PDE10A: variants seen among roughly 807,000 people sequenced by gnomAD.
The protein encoded by PDE10A is cAMP and cAMP-inhibited cGMP 3',5'-cyclic phosphodiesterase 10A.
A neutral mutation model predicts 97.7 loss-of-function variants in PDE10A; 39 were observed. The observed-to-expected ratio is 0.40, with a 90% CI of 0.31 to 0.52. The LOEUF is 0.52. Among genes scored for constraint, PDE10A ranks in the 20% least tolerant of loss-of-function variants. The pLI, the probability that PDE10A is intolerant of heterozygous loss-of-function variation, is 0.56. For missense variants in PDE10A, 731 were observed against 1,047.8 expected (o/e 0.70, Z 4.17); for synonymous variants, 371 against 376.8 (o/e 0.98, Z 0.18).
chr6:165,860,854 G>C (rs1583202183), intron 1 of PDE10A, among the ~76,000 whole-genome samples: 1 of 152,306 alleles, frequency 6.6e-6, no homozygotes, highest in East Asian at 1.9e-4. Flanking sequence ...CAGAGGACCT[G>C]AAGGGCTCCC....
intron 1 of PDE10A, among the ~76,000 whole-genome samples, chr6:165,804,791 CG>C (rs1488749405): frequency 6.6e-6 from 1 of 151,070 alleles, no homozygotes. Context: ...GCGACGGCCC[CG>C]GGGCCGGGCC....
At chr6:165,459,803 G>C (rs1260315412) in intron 3 of PDE10A, among the ~76,000 whole-genome samples, 1 of 152,084 alleles carries the variant, frequency 6.6e-6, no homozygotes, top group African/African-American at 2.4e-5. Context: ...ACTGAGAGTG[G>C]ATAAAGGAAA....
chr6:165,367,797 AT>A (rs954317281), intron 18 of PDE10A, among the ~76,000 whole-genome samples: 1 of 114,312 alleles, frequency 8.7e-6, no homozygotes, highest in South Asian at 2.5e-4. Context: ...CCATTCTTAG[AT>A]TAAAAAAAAA....
intron 1 of PDE10A, among the ~76,000 whole-genome samples, chr6:165,883,687 C>T (rs772292925): frequency 7.2e-5 from 11 of 152,072 alleles, no homozygotes; most frequent in Non-Finnish European, 1.3e-4. Context: ...GTGGCAGAGG[C>T]GGGCTTGCTG....
intron 1 of PDE10A, among the ~76,000 whole-genome samples, chr6:165,579,740 G>A (rs761113073): frequency 3.3e-5 from 5 of 152,052 alleles, no homozygotes; most frequent in Non-Finnish European, 7.3e-5. Context: ...CTCACACAGC[G>A]AAGGCCAAAG....
chr6:165,535,477 G>A lies in PDE10A; in HGVS notation c.994+7963C>T, dbSNP rs554994953. On this transcript the variant is annotated intron_variant, in intron 2 of 21. Transcript: ENST00000539869. ...ACTTATAAGTGAGAACATACAATAT[G>A]TGATTTCCATTTCTGAGTTATTTCA... Among the ~76,000 whole-genome samples, 10 of 151,920 alleles carry A rather than the reference G, an allele frequency of 6.6e-5. No individual in the cohort carries two copies. In the South Asian group the frequency reaches 2.1e-3, roughly 32 times the overall value.
chr6:165,416,819 C>T (rs1788349866), intron 11 of PDE10A, among the ~76,000 whole-genome samples: 1 of 152,144 alleles, frequency 6.6e-6, no homozygotes, highest in Admixed American at 6.6e-5. Flanking sequence ...AATTCAAGCA[C>T]TATACAGAAA....
chr6:165,825,106 C>T (rs953850886), intron 1 of PDE10A, among the ~76,000 whole-genome samples: 3 of 147,790 alleles, frequency 2.0e-5, no homozygotes, highest in Non-Finnish European at 4.5e-5. Flanking sequence ...TGAGATCGCA[C>T]CACTGCACTC....
intron 5 of PDE10A, among the ~76,000 whole-genome samples, chr6:165,447,766 C>A (rs1790976637): frequency 6.6e-6 from 1 of 152,106 alleles, no homozygotes; most frequent in South Asian, 2.1e-4. Context: ...AATAAACATT[C>A]TTATCTGACG....
intron 1 of PDE10A, among the ~76,000 whole-genome samples, chr6:165,821,035 G>A (rs903193621): frequency 4.6e-5 from 7 of 152,172 alleles, no homozygotes; most frequent in African/African-American, 1.4e-4. Flanking sequence ...TACATTGCAC[G>A]TTGATAAAGT....
At chr6:165,369,120 A>T (rs1427393670) in intron 18 of PDE10A, among the ~76,000 whole-genome samples, 1 of 152,054 alleles carries the variant, frequency 6.6e-6, no homozygotes, top group Non-Finnish European at 1.5e-5. Context: ...AAAACCACAA[A>T]GATGGGGAAA....
intron 1 of PDE10A, among the ~76,000 whole-genome samples, chr6:165,712,517 C>T (rs575652392): frequency 3.3e-5 from 5 of 152,076 alleles, no homozygotes; most frequent in Non-Finnish European, 7.4e-5. Context: ...GGTTGTGAAA[C>T]ACCAAAGCGG....
intron 1 of PDE10A, among the ~76,000 whole-genome samples, chr6:165,851,218 G>C (rs975036729): frequency 1.3e-5 from 2 of 152,316 alleles, no homozygotes; most frequent in African/African-American, 4.8e-5. Context: ...GAGTTATTCA[G>C]GTTTTGGACA....
chr6:165,418,900 T>C lies in PDE10A; in HGVS notation c.1654-123A>G. 1 of 693,048 alleles carries C rather than the reference T, an allele frequency of 1.4e-6. No homozygotes were observed. The highest frequency in any genetic ancestry group is 2.4e-6 in the Non-Finnish European group (1 of 411,874). The allele number at this position is 693,048 out of a possible 1,614,324, so 42.9% of individuals were successfully genotyped here. On this transcript the variant is annotated intron_variant, in intron 10 of 21. Coordinates refer to ENST00000539869, the MANE Select transcript of PDE10A (RefSeq NM_001385079.1). The surrounding 1 kb of genome is among the most constrained non-coding windows in gnomAD (Gnocchi z 4.8). ...ATACTCTAATTGGTTGGTATTAGCA[T>C]TATAAGTAAATAAATATACAAGTAT...
At chr6:165,611,661 T>C (rs763787156) in intron 1 of PDE10A, among the ~76,000 whole-genome samples, 6 of 152,252 alleles carry the variant, frequency 3.9e-5, no homozygotes, top group Non-Finnish European at 5.9e-5. Flanking sequence ...CTGTAGCCAT[T>C]ACACATTTTC....
At chr6:165,888,154 A>G (rs569076032) in intron 1 of PDE10A, among the ~76,000 whole-genome samples, 57 of 152,146 alleles carry the variant, frequency 3.7e-4, no homozygotes, top group Non-Finnish European at 7.9e-4. Context: ...TTTTTCAAAG[A>G]GGTTACCTTG....
chr6:165,685,605 C>T (rs145626919), intron 1 of PDE10A, among the ~76,000 whole-genome samples: 7 of 152,230 alleles, frequency 4.6e-5, no homozygotes, highest in Admixed American at 4.6e-4. Flanking sequence ...ATGTTCCTGG[C>T]AGCTTCTCCA....
chr6:165,561,063 C>T (rs1784498512), intron 1 of PDE10A, among the ~76,000 whole-genome samples: 2 of 151,754 alleles, frequency 1.3e-5, no homozygotes, highest in South Asian at 4.2e-4. Flanking sequence ...ACTAAAAATA[C>T]AAAAAATTAG....
chr6:165,407,344 T>C (rs1787275355), intron 13 of PDE10A, among the ~76,000 whole-genome samples: 1 of 152,194 alleles, frequency 6.6e-6, no homozygotes, highest in African/African-American at 2.4e-5. Context: ...ATACTTGCTA[T>C]GTGCCCTTGG....
Sources: allele counts gnomAD v4.1 joint callset (sites outside exome capture counted in the v4.1 genomes callset), GRCh38; gene constraint gnomAD v4.1.1; non-coding constraint Gnocchi (gnomAD v3.1); transcripts MANE v1.5; gene names NCBI Gene and HGNC (gene_info 2026-07-23, HGNC 2026-07-21).